The following ANTXR1 variants were observed in gnomAD, a reference collection of about 807,000 sequenced individuals.
ANTXR1 encodes the protein anthrax toxin receptor 1.
Under a neutral mutation model 78.1 loss-of-function variants are expected in ANTXR1, and 19 were observed. The observed-to-expected ratio is 0.24, with a 90% CI of 0.17 to 0.36. The LOEUF is 0.36. ANTXR1 is among the 10% of genes least tolerant of loss of function. The pLI, the probability that ANTXR1 is intolerant of heterozygous loss-of-function variation, is 1.00. For synonymous variants in ANTXR1, 273 were observed against 260.5 expected (o/e 1.05, Z -0.46); for missense variants, 518 against 718.6 (o/e 0.72, Z 3.19).
intron 8 of ANTXR1, among the ~76,000 whole-genome samples, chr2:69,080,851 A>G (rs7569175): frequency 0.71 from 108,050 of 152,050 alleles, 38,983 homozygotes; most frequent in African/African-American, 0.82. Flanking sequence ...GGCCCAGTAC[A>G]GTGCATAGGA....
rs1336450691 is a variant in ANTXR1, at chr2:69,215,304, C to T, written c.1434+21889C>T. Reference sequence around the variant, plus strand: ...TTTCTCTCCAAGAAATCCCTTCATACATCCTTCGCCCTACCCAGGCCCCTT... The same window carrying T: ...TTTCTCTCCAAGAAATCCCTTCATATATCCTTCGCCCTACCCAGGCCCCTT... On this transcript the variant is annotated intron_variant, in intron 17 of 17. Coordinates refer to ENST00000303714, the MANE Select transcript of ANTXR1 (RefSeq NM_032208.3). Among the ~76,000 whole-genome samples the T allele has an allele frequency of 2.0e-5, 3 of 152,224 alleles. No individual in the cohort carries two copies. The East Asian group carries it at 5.8e-4, about 29-fold the overall frequency.
intron 1 of ANTXR1, 33 bp from the exon 2 acceptor site, chr2:69,040,011 T>C (rs766685354): frequency 1.3e-6 from 2 of 1,584,250 alleles, no homozygotes; most frequent in South Asian, 2.2e-5. Flanking sequence ...AGTAAACACC[T>C]GAGTCACGCA....
chr2:69,032,858 A>G (rs188508032), intron 1 of ANTXR1, among the ~76,000 whole-genome samples: 1 of 152,276 alleles, frequency 6.6e-6, no homozygotes, highest in Non-Finnish European at 1.5e-5. Flanking sequence ...TCCACAAGAA[A>G]AATACATTTT....
chr2:69,033,134 T>C (rs544317973), intron 1 of ANTXR1, among the ~76,000 whole-genome samples: 61 of 152,366 alleles, frequency 4.0e-4, no homozygotes, highest in African/African-American at 1.4e-3. Flanking sequence ...CCAGGCACCC[T>C]GTCCTGGGGT....
At chr2:69,174,042 C>T (rs1311980361) in intron 14 of ANTXR1, among the ~76,000 whole-genome samples, 1 of 152,166 alleles carries the variant, frequency 6.6e-6, no homozygotes, top group Admixed American at 6.5e-5. Flanking sequence ...GTTCATTTCC[C>T]TTTGAAACCC....
At chr2:69,141,048 T>C (rs1385952073) in intron 12 of ANTXR1, among the ~76,000 whole-genome samples, 1 of 152,230 alleles carries the variant, frequency 6.6e-6, no homozygotes, top group Non-Finnish European at 1.5e-5. Context: ...AAACTCCACT[T>C]GGGTTTCCCT....
chr2:69,159,123 T>A (rs1430829110), intron 13 of ANTXR1, among the ~76,000 whole-genome samples: 2 of 152,252 alleles, frequency 1.3e-5, no homozygotes, highest in East Asian at 3.8e-4. Flanking sequence ...CTTACATGTA[T>A]GTTATATGCA....
chr2:69,103,759 T>C (rs1671711066), intron 10 of ANTXR1: 1 of 155,880 alleles, frequency 6.4e-6, no homozygotes, highest in Non-Finnish European at 1.4e-5. Context: ...TAATTATTTA[T>C]TCCACATCTG....
At chr2:69,204,817 G>A (rs567899009) in intron 17 of ANTXR1, among the ~76,000 whole-genome samples, 1 of 152,144 alleles carries the variant, frequency 6.6e-6, no homozygotes, top group Non-Finnish European at 1.5e-5. Flanking sequence ...TCCTGCCCAA[G>A]ATGACATACC....
intron 8 of ANTXR1, among the ~76,000 whole-genome samples, chr2:69,089,387 AC>A (rs1371342751): frequency 6.6e-6 from 1 of 152,150 alleles, no homozygotes; most frequent in Non-Finnish European, 1.5e-5. Flanking sequence ...GGTAAATATT[AC>A]CTCTTCTGAG....
intron 3 of ANTXR1, among the ~76,000 whole-genome samples, chr2:69,045,259 G>A (rs180923079): frequency 4.6e-5 from 7 of 152,224 alleles, no homozygotes; most frequent in Admixed American, 3.9e-4. Context: ...GAAAGGGAGG[G>A]CTTATGGTAC....
At position 69,109,868 on chromosome 2, in the gene ANTXR1, C is replaced by A. The variant is rs532016697; in HGVS notation, c.802+6928C>A. On this transcript the variant is annotated intron_variant, in intron 10 of 17. Transcript: ENST00000303714. The stretch of plus-strand genomic sequence containing the variant: ...CATATTTTTAAATTCTCTTGTTAAA[C>A]CCTACTACAATAAAACAAACAAGAA... 3.2e-4 allele frequency among the ~76,000 whole-genome samples: 48 copies of A among 152,022 alleles called. No homozygotes were observed. In the South Asian group the frequency reaches 1.0e-2, roughly 32 times the overall value.
Position 69,248,161 on chromosome 2 carries a change from A to G in ANTXR1, c.*2676A>G, listed in dbSNP as rs908848339. On this transcript the variant is annotated 3_prime_UTR_variant, in exon 18 of 18. Transcript: ENST00000303714. Reference sequence around the variant, plus strand: ...GGAGACATGTGATTATGATCAGGAAACTGCACAAAATTATTGTTTTCAGCC... The same window carrying G: ...GGAGACATGTGATTATGATCAGGAAGCTGCACAAAATTATTGTTTTCAGCC... 6.0e-6 allele frequency: 1 copy of G among 166,822 alleles called. No individual in the cohort carries two copies. Among genetic ancestry groups the G allele is most frequent in the African/African-American group, 2.4e-5 (1 of 41,382 alleles). The allele number at this position is 166,822 out of a possible 1,614,324, so 10.3% of individuals were successfully genotyped here.
chr2:69,015,086 A>AAAG (rs770131118), intron 1 of ANTXR1, among the ~76,000 whole-genome samples: 1 of 148,018 alleles, frequency 6.8e-6, no homozygotes, highest in Non-Finnish European at 1.5e-5. Flanking sequence ...AAAAAAAAAA[A>AAAG]GGGGGACAGA....
chr2:69,198,908 G>C (rs1674716076), intron 17 of ANTXR1, among the ~76,000 whole-genome samples: 1 of 152,186 alleles, frequency 6.6e-6, no homozygotes, highest in Non-Finnish European at 1.5e-5. Flanking sequence ...CCTTGAAGTG[G>C]ATGTATTAAT....
chr2:69,221,147 C>A (rs747945356), intron 17 of ANTXR1, among the ~76,000 whole-genome samples: 10 of 152,144 alleles, frequency 6.6e-5, no homozygotes, highest in Non-Finnish European at 1.5e-4. Flanking sequence ...TTTATAACAG[C>A]TACCTGTTGA....
intron 12 of ANTXR1, among the ~76,000 whole-genome samples, chr2:69,139,246 A>G (rs1339112380): frequency 6.6e-6 from 1 of 152,206 alleles, no homozygotes; most frequent in African/African-American, 2.4e-5. Flanking sequence ...GGCCTAGCCC[A>G]GTGCTTTCTG....
At chr2:69,223,644 TG>T (rs1234071321) in intron 17 of ANTXR1, among the ~76,000 whole-genome samples, 2 of 152,212 alleles carry the variant, frequency 1.3e-5, no homozygotes, top group Admixed American at 6.5e-5. Context: ...ATCATCATAA[TG>T]ACAAAAATGA....
chr2:69,027,275 C>A (rs187469129), intron 1 of ANTXR1, among the ~76,000 whole-genome samples: 1 of 152,166 alleles, frequency 6.6e-6, no homozygotes, highest in Non-Finnish European at 1.5e-5. Context: ...GCTGAGTCCT[C>A]CCGCCAGATC....
Sources: gnomAD v4.1 joint callset for allele counts (sites outside exome capture counted in the v4.1 genomes callset) on GRCh38, gnomAD v4.1.1 for gene constraint, MANE v1.5 for transcripts, NCBI Gene and HGNC (gene_info 2026-07-23, HGNC 2026-07-21) for gene names.